The following AK5 variants were observed in gnomAD, a reference collection of about 807,000 sequenced individuals.
The protein encoded by AK5 is adenylate kinase 5.
AK5 carries 27 observed loss-of-function variants against 69.5 expected under a neutral mutation model. That is an observed-to-expected ratio of 0.39 (90% confidence interval 0.29 to 0.54). AK5 has a LOEUF of 0.54. Ranked by LOEUF, AK5 falls within the 20% of genes least tolerant of loss-of-function variation. The pLI, the probability that AK5 is intolerant of heterozygous loss-of-function variation, is 0.71. For synonymous variants in AK5, 260 were observed against 244.4 expected (o/e 1.06, Z -0.60); for missense variants, 531 against 700.4 (o/e 0.76, Z 2.73).
At chr1:77,440,591 T>G (rs1652263128) in intron 8 of AK5, among the ~76,000 whole-genome samples, 1 of 152,186 alleles carries the variant, frequency 6.6e-6, no homozygotes, top group Admixed American at 6.5e-5. Flanking sequence ...CATCTTCTCT[T>G]TCTGAAACTT....
At chr1:77,526,514 C>T (rs151029058) in intron 12 of AK5, among the ~76,000 whole-genome samples, 1,844 of 118,336 alleles carry the variant, frequency 0.016, 38 homozygotes, top group South Asian at 0.12. Flanking sequence ...CTCGCTCTGT[C>T]GCCCAGGCTG....
At chr1:77,524,922 G>C (rs1430312536) in intron 12 of AK5, among the ~76,000 whole-genome samples, 1 of 152,078 alleles carries the variant, frequency 6.6e-6, no homozygotes, top group African/African-American at 2.4e-5. Flanking sequence ...TTCTTTGTTT[G>C]TTTGTGATGG....
intron 8 of AK5, among the ~76,000 whole-genome samples, chr1:77,450,666 A>C (rs945846992): frequency 2.6e-5 from 4 of 152,168 alleles, no homozygotes; most frequent in Admixed American, 1.3e-4. Flanking sequence ...TATCCTCAAC[A>C]ACCTTCTGCT....
chr1:77,535,758 A>G lies in AK5; in HGVS notation c.1429-89A>G, dbSNP rs1658923591. On this transcript the variant is annotated intron_variant, in intron 12 of 13. Transcript: ENST00000354567. ...GGACCTTGAAGGGAACCAGAAGGCC[A>G]AGAAAGGAAAAACCAGAGGCCCTGG... is the stretch of plus-strand genomic sequence containing the variant. 17 of 1,262,240 alleles carry G rather than the reference A, an allele frequency of 1.3e-5. 1 individual carries two copies. The highest frequency in any genetic ancestry group is 2.7e-5 in the Admixed American group (1 of 37,650). 78.2% of individuals were successfully genotyped at this position (1,262,240 alleles called of 1,614,324 possible). A position where few individuals can be genotyped will look rare whatever the true frequency, so the allele number is the denominator to read the frequency against.
intron 5 of AK5, among the ~76,000 whole-genome samples, chr1:77,337,432 AT>A: frequency 6.6e-6 from 1 of 152,294 alleles, no homozygotes; most frequent in South Asian, 2.1e-4. Flanking sequence ...TTTTTCTTAT[AT>A]TTTAATATGC....
At chr1:77,314,334 C>T (rs937151563) in intron 5 of AK5, 1 of 154,588 alleles carries the variant, frequency 6.5e-6, no homozygotes, top group Non-Finnish European at 1.4e-5. Context: ...GGAATATTCT[C>T]TAGCTACAAT....
At chr1:77,426,372 A>G (rs1184690329) in intron 8 of AK5, among the ~76,000 whole-genome samples, 1 of 152,224 alleles carries the variant, frequency 6.6e-6, no homozygotes, top group Non-Finnish European at 1.5e-5. Context: ...AAGGAAAGTT[A>G]TCAGAGATTT....
At chr1:77,327,672 A>T (rs568928391) in intron 5 of AK5, among the ~76,000 whole-genome samples, 3 of 152,306 alleles carry the variant, frequency 2.0e-5, no homozygotes, top group African/African-American at 7.2e-5. Context: ...GTATTTTTTA[A>T]CTTTACTCAT....
intron 12 of AK5, among the ~76,000 whole-genome samples, chr1:77,529,357 G>A (rs1460234658): frequency 4.3e-5 from 6 of 139,614 alleles, no homozygotes; most frequent in African/African-American, 1.4e-4. Flanking sequence ...TTTTTGAGAC[G>A]GAGTCTTGCT....
chr1:77,307,565 G>A (rs1570351861), intron 5 of AK5, among the ~76,000 whole-genome samples: 1 of 152,168 alleles, frequency 6.6e-6, no homozygotes, highest in Non-Finnish European at 1.5e-5. Flanking sequence ...CTGAGGAAAA[G>A]AATGTGTATT....
At chr1:77,476,161 A>G (rs1654925230) in intron 8 of AK5, among the ~76,000 whole-genome samples, 1 of 152,320 alleles carries the variant, frequency 6.6e-6, no homozygotes, top group Middle Eastern at 3.4e-3. Context: ...ACTCAGTTAT[A>G]CAAGTACTTT....
chr1:77,484,506 C>T lies in AK5; in HGVS notation c.1102+1147C>T, dbSNP rs1039043652. Among the ~76,000 whole-genome samples the T allele has an allele frequency of 5.3e-5, 8 of 152,192 alleles. No individual in the cohort carries two copies. In the East Asian group the frequency reaches 1.2e-3, roughly 22 times the overall value. ...AGCAGTATGTGAAAATCACAGTCACCAAATGACATCTTGGTGATTCATGAG... is the reference window on the plus strand; with the variant it reads ...AGCAGTATGTGAAAATCACAGTCACTAAATGACATCTTGGTGATTCATGAG... On this transcript the variant is annotated intron_variant, in intron 9 of 13. Transcript: ENST00000354567.
At chr1:77,403,465 A>AT (rs1295765079) in intron 6 of AK5, among the ~76,000 whole-genome samples, 1 of 152,090 alleles carries the variant, frequency 6.6e-6, no homozygotes, top group African/African-American at 2.4e-5. Context: ...TCTTGAATTA[A>AT]TTTTTGTATA....
At chr1:77,312,865 A>G (rs1461200674) in intron 5 of AK5, among the ~76,000 whole-genome samples, 2 of 151,978 alleles carry the variant, frequency 1.3e-5, no homozygotes, top group Non-Finnish European at 2.9e-5. Context: ...TTAGGCTTGT[A>G]TATTCACTTC....
chr1:77,295,929 C>T (rs887514340), intron 3 of AK5, among the ~76,000 whole-genome samples: 4 of 152,218 alleles, frequency 2.6e-5, no homozygotes, highest in Middle Eastern at 3.4e-3. Flanking sequence ...GTGAAATCAA[C>T]TTGTTTCCCA....
chr1:77,499,957 A>G (rs1305882226), intron 10 of AK5, among the ~76,000 whole-genome samples: 1 of 121,516 alleles, frequency 8.2e-6, no homozygotes, highest in Non-Finnish European at 1.6e-5. Flanking sequence ...CATTCAGTAT[A>G]TGTCTTTAGA....
rs11162308 is a variant in AK5, at chr1:77,286,937, T to C, written c.61-4T>C. 0.011 allele frequency: 16,121 copies of C among 1,412,968 alleles called. 375 individuals carry two copies. The highest frequency in any genetic ancestry group is 0.09 in the African/African-American group (6,092 of 67,944). 87.5% of individuals were successfully genotyped at this position (1,412,968 alleles called of 1,614,324 possible). The stretch of plus-strand genomic sequence containing the variant: ...TTATTTGTACATATTTTGTTATATT[T>C]CAGAGCCTTTTGAATGGACTGATGT... On this transcript the variant is annotated splice_region_variant and splice_polypyrimidine_tract_variant and intron_variant, in intron 1 of 13. Transcript: ENST00000354567.
chr1:77,449,781 G>A (rs1653021139), intron 8 of AK5, among the ~76,000 whole-genome samples: 1 of 152,104 alleles, frequency 6.6e-6, no homozygotes, highest in Non-Finnish European at 1.5e-5. Flanking sequence ...GACATGCCCT[G>A]GAGACATTTT....
At chr1:77,484,440 A>C (rs1383542709) in intron 9 of AK5, among the ~76,000 whole-genome samples, 2 of 152,360 alleles carry the variant, frequency 1.3e-5, no homozygotes, top group Middle Eastern at 3.4e-3. Flanking sequence ...ATCCATGAGC[A>C]CAAGGTGGTG....
Sources: allele counts gnomAD v4.1 joint callset (sites outside exome capture counted in the v4.1 genomes callset), GRCh38; gene constraint gnomAD v4.1.1; transcripts MANE v1.5; gene names NCBI Gene and HGNC (gene_info 2026-07-23, HGNC 2026-07-21).